Variants in TTLL10 observed in about 807,000 individuals in gnomAD.
The protein encoded by TTLL10 is tubulin tyrosine ligase like 10.
Under a neutral mutation model 69.0 loss-of-function variants are expected in TTLL10, and 61 were observed. The observed-to-expected ratio is 0.88, with a 90% CI of 0.72 to 1.09. TTLL10 has a LOEUF of 1.09. Ranked by LOEUF, TTLL10 falls within the 50% of genes least tolerant of loss-of-function variation. TTLL10 has a pLI of 0.00. For synonymous variants in TTLL10, 408 were observed against 393.3 expected (o/e 1.04, Z -0.44); for missense variants, 962 against 945.9 (o/e 1.02, Z -0.22).
At position 1,180,227 on chromosome 1, in the gene TTLL10, C is replaced by T. The variant is rs770912047; in HGVS notation, c.393C>T (p.Ala131=). The part of the protein sequence containing the change: ...RPADSDDTNA[A]GPSAALLEGL... ...CAGACTCGGATGACACTAACGCCGC[C>T]GGGCCCTCAGCTGCCCTCCTGGAGG... Residue 131 remains alanine, a synonymous_variant, in exon 6 of 16, where the codon GCC becomes GCT. Transcript: ENST00000379289. 11 of 1,608,974 alleles carry T rather than the reference C, an allele frequency of 6.8e-6. No homozygotes were observed. The highest frequency in any genetic ancestry group is 1.7e-5 in the Admixed American group (1 of 59,648).
In TTLL10 at chr1:1,181,664, C is replaced by T. The variant is rs1345251060; in HGVS notation, c.756-77C>T. On this transcript the variant is annotated intron_variant, in intron 8 of 15. Coordinates refer to ENST00000379289, the MANE Select transcript of TTLL10 (RefSeq NM_001130045.2). The surrounding 1 kb of genome is among the most constrained non-coding windows in gnomAD (Gnocchi z 4.6). Reference sequence around the variant, plus strand: ...AGTCCGCCCACTCACCACCCATGCCCCATCCCCCAGTCCCCACCCGCTCCA... The same window carrying T: ...AGTCCGCCCACTCACCACCCATGCCTCATCCCCCAGTCCCCACCCGCTCCA... The T allele has an allele frequency of 1.5e-5, 21 of 1,379,008 alleles. No homozygotes were observed. Among genetic ancestry groups the T allele is most frequent in the Non-Finnish European group, 2.0e-5 (20 of 1,003,422 alleles). 85.4% of individuals were successfully genotyped at this position (1,379,008 alleles called of 1,614,324 possible). A position where few individuals can be genotyped will look rare whatever the true frequency, so the allele number is the denominator to read the frequency against.
Position 1,179,735 on chromosome 1 carries a change from T to C in TTLL10, c.197T>C (p.Val66Ala), listed in dbSNP as rs1646984700. 7.1e-6 allele frequency: 11 copies of C among 1,548,740 alleles called. No individual in the cohort carries two copies. The highest frequency in any genetic ancestry group is 9.6e-6 in the Non-Finnish European group (11 of 1,146,122). Residue 66 changes from valine to alanine, a missense_variant and splice_region_variant, in exon 5 of 16, where the codon GTT becomes GCT. Physicochemically the swap from Val to Ala is moderately conservative, Grantham distance 64. Transcript: ENST00000379289. ...GPCPAPGHCP[V>A]GPAHERPMGS... ...TGCCCTGCACCAGGCCACTGCCCTG[T>C]TGGTGAGGAGGGTCGGAGGGGCGAC...
At chr1:1,182,724 G>C in intron 10 of TTLL10, 152 bp from the exon 11 acceptor site, 1 of 1,168,098 alleles carries the variant, frequency 8.6e-7, no homozygotes, top group Non-Finnish European at 1.2e-6. Context: ...GCACGGGCAG[G>C]AGCTGGGGCC....
In TTLL10 at chr1:1,179,265, G is replaced by A. The variant is rs1027256656; in HGVS notation, c.50G>A (p.Arg17Gln). 17 of 1,550,796 alleles carry A rather than the reference G, an allele frequency of 1.1e-5. No homozygotes were observed. Among genetic ancestry groups the A allele is most frequent in the African/African-American group, 1.4e-5 (1 of 73,172 alleles). The change falls in exon 4 of 16, where the codon CGG (arginine) becomes CAG (glutamine). Residue 17 changes from arginine to glutamine, a missense_variant. Physicochemically the swap from Arg to Gln is conservative, Grantham distance 43. Coordinates refer to ENST00000379289, the MANE Select transcript of TTLL10 (RefSeq NM_001130045.2). ...ATCCACCGCCGGGGACCACCCACTC[G>A]GACCCGAGCCGGCTTCAAGAGGGGC... ...RFIHRRGPPT[R>Q]TRAGFKRGKR...
rs1037832357 is a variant in TTLL10, at chr1:1,197,459, G to A, written c.1634G>A (p.Arg545Gln). 28 of 1,493,906 alleles carry A rather than the reference G, an allele frequency of 1.9e-5. No homozygotes were observed. The highest frequency in any genetic ancestry group is 1.8e-4 in the Middle Eastern group (1 of 5,678). 92.5% of individuals were successfully genotyped at this position (1,493,906 alleles called of 1,614,324 possible). A position where few individuals can be genotyped will look rare whatever the true frequency, so the allele number is the denominator to read the frequency against. Reference protein sequence around the residue: ...ETLDLVLETFRKSLRGQKMLP... With the variant: ...ETLDLVLETFQKSLRGQKMLP... ...CCAGACCTGGTGCTCGAGACCTTCCGGAAGAGCCTGCGCGGCCAGAAGATG... is the reference window on the plus strand; with the variant it reads ...CCAGACCTGGTGCTCGAGACCTTCCAGAAGAGCCTGCGCGGCCAGAAGATG... Residue 545 changes from arginine to glutamine, a missense_variant, in exon 16 of 16, where the codon CGG becomes CAG. Transcript: ENST00000379289.
chr1:1,177,097 T>C (rs1478530085), intron 3 of TTLL10, among the ~76,000 whole-genome samples: 3 of 151,740 alleles, frequency 2.0e-5, no homozygotes, highest in Non-Finnish European at 1.5e-5. Context: ...TGTGTCTGTG[T>C]GTACGTGTGT....
At chr1:1,178,643 G>C (rs999581354) in intron 3 of TTLL10, among the ~76,000 whole-genome samples, 1 of 152,090 alleles carries the variant, frequency 6.6e-6, no homozygotes, top group African/African-American at 2.4e-5. Context: ...AAGATCTGTC[G>C]AGGAACTGGC....
chr1:1,174,667 C>T (rs941401475), intron 3 of TTLL10, 178 bp downstream of exon 3: 4 of 152,206 alleles, frequency 2.6e-5, no homozygotes, highest in Admixed American at 2.6e-4. Flanking sequence ...AGACGCTTTC[C>T]TTCTGGATTC....
chr1:1,196,149 AT>A (rs912565791), intron 13 of TTLL10, among the ~76,000 whole-genome samples: 13 of 151,830 alleles, frequency 8.6e-5, no homozygotes, highest in Admixed American at 2.0e-4. Flanking sequence ...AATAATGACA[AT>A]TTTTTTTTAT....
In TTLL10 at chr1:1,196,959, G is replaced by C. The variant is rs1478881355; in HGVS notation, c.1519-134G>C. On this transcript the variant is annotated intron_variant, in intron 14 of 15. Transcript: ENST00000379289. ...GCTTCAGACCCTCAGAGCTTCAGTGGACAAACAGGGGAGCAAGGCTATAGG... is the reference window on the plus strand; with the variant it reads ...GCTTCAGACCCTCAGAGCTTCAGTGCACAAACAGGGGAGCAAGGCTATAGG... 8 of 926,138 alleles carry C rather than the reference G, an allele frequency of 8.6e-6. No individual in the cohort carries two copies. In the Admixed American group the frequency reaches 9.0e-5, roughly 10 times the overall value. The allele number at this position is 926,138 out of a possible 1,614,324, so 57.4% of individuals were successfully genotyped here.
At chr1:1,186,972 G>A (rs201053905) in intron 13 of TTLL10, among the ~76,000 whole-genome samples, 4 of 150,854 alleles carry the variant, frequency 2.7e-5, no homozygotes, top group Admixed American at 6.6e-5. Context: ...TCAGCCTCCC[G>A]AGTAGCTGGG....
chr1:1,193,464 T>C (rs1647980467), intron 13 of TTLL10, among the ~76,000 whole-genome samples: 1 of 152,102 alleles, frequency 6.6e-6, no homozygotes, highest in African/African-American at 2.4e-5. Context: ...TATTTTCTAG[T>C]GTAGCTTTTT....
intron 13 of TTLL10, among the ~76,000 whole-genome samples, chr1:1,195,117 A>G (rs1648104066): frequency 6.6e-6 from 1 of 152,130 alleles, no homozygotes; most frequent in South Asian, 2.1e-4. Context: ...CAGCCTCCCA[A>G]GTAGCTGGGA....
At chr1:1,197,402 G>A (rs931239732) in intron 15 of TTLL10, 36 bp from the exon 16 acceptor site, 2 of 1,079,938 alleles carry the variant, frequency 1.9e-6, no homozygotes, top group Admixed American at 3.3e-5. Flanking sequence ...CCCAGCCTCT[G>A]CCCCCCACTC....
At chr1:1,177,934 A>C (rs1646924848) in intron 3 of TTLL10, among the ~76,000 whole-genome samples, 1 of 152,172 alleles carries the variant, frequency 6.6e-6, no homozygotes, top group Admixed American at 6.5e-5. Context: ...TCCCAGACAC[A>C]GGTGGGGGGC....
chr1:1,177,283 T>C (rs1304761106), intron 3 of TTLL10, among the ~76,000 whole-genome samples: 4 of 152,096 alleles, frequency 2.6e-5, no homozygotes, highest in African/African-American at 9.7e-5. Flanking sequence ...TGTGTGTCTG[T>C]GCGTGTGTGT....
At position 1,189,903 on chromosome 1, in the gene TTLL10, G is replaced by T. The variant is rs185994749; in HGVS notation, c.1401+4794G>T. On this transcript the variant is annotated intron_variant, in intron 13 of 15. Transcript: ENST00000379289. ...CGAGGAAGGTGGATCATGAGGTCAG[G>T]AGATCGAGACCATCCCGGGTAACAC... Among the ~76,000 whole-genome samples, 403 of 152,210 alleles carry T rather than the reference G, an allele frequency of 2.6e-3. 2 individuals carry two copies. The highest frequency in any genetic ancestry group is 4.3e-3 in the Non-Finnish European group (290 of 68,006).
chr1:1,178,788 G>T (rs573413895), intron 3 of TTLL10, among the ~76,000 whole-genome samples: 1 of 152,266 alleles, frequency 6.6e-6, no homozygotes, highest in East Asian at 1.9e-4. Context: ...CCACAGCTGG[G>T]CTCCGGGGTC....
chr1:1,176,299 C>T (rs1305697621), intron 3 of TTLL10: 3 of 444,572 alleles, frequency 6.7e-6, no homozygotes, highest in South Asian at 4.7e-5. Context: ...CTGCTGCTCC[C>T]AGCCGCTGTG....
Sources: allele counts gnomAD v4.1 joint callset (sites outside exome capture counted in the v4.1 genomes callset), GRCh38; gene constraint gnomAD v4.1.1; non-coding constraint Gnocchi (gnomAD v3.1); transcripts MANE v1.5; gene names NCBI Gene and HGNC (gene_info 2026-07-23, HGNC 2026-07-21).